HAPLN4: variants seen among roughly 807,000 people sequenced by gnomAD.
HAPLN4 encodes brain link protein 2.
In HAPLN4, 19 loss-of-function variants were observed where a neutral mutation model predicts 28.0. That is an observed-to-expected ratio of 0.68 (90% CI 0.47 to 1.00). The LOEUF is 1.00. HAPLN4 is among the 50% of genes least tolerant of loss of function. HAPLN4 has a pLI of 0.00. For missense variants in HAPLN4, 587 were observed against 602.6 expected (o/e 0.97, Z 0.27); for synonymous variants, 274 against 273.0 (o/e 1.00, Z -0.03).
chr19:19,258,101 C>T lies in HAPLN4; in HGVS notation c.925G>A (p.Ala309Thr), dbSNP rs1226341911. Residue 309 changes from alanine to threonine, a missense_variant, in exon 5 of 5, where the codon GCG (alanine) becomes ACG (threonine). Transcript: ENST00000291481. The surrounding 1 kb of genome is among the most constrained non-coding windows in gnomAD (Gnocchi z 6.2). The stretch of plus-strand genomic sequence containing the variant: ...CGGTCTAGCAGCTGCAGCTTCCACG[C>T]GGCGAACAGCTGCCCCACCTTGGCC... ...AVAKVGQLFA[A>T]WKLQLLDRCT... 6 of 1,551,536 alleles carry T rather than the reference C, an allele frequency of 3.9e-6. No homozygotes were observed. Among genetic ancestry groups the T allele is most frequent in the Non-Finnish European group, 1.7e-6 (2 of 1,155,574 alleles).
In HAPLN4 at chr19:19,258,550, C is replaced by T; in HGVS notation, c.790G>A (p.Ala264Thr). ...YRHNAEERYD[A>T]FCFTSNLPGR... is the part of the protein sequence containing the mutation. The stretch of plus-strand genomic sequence containing the variant: ...GGCAGGTTGGACGTGAAGCAGAAGG[C>T]GTCGTAGCGTTCCTCGGCGTTATGG... Residue 264 changes from alanine to threonine, a missense_variant, in exon 4 of 5, where the codon GCC (alanine) becomes ACC (threonine). Physicochemically the swap from Ala to Thr is moderately conservative, Grantham distance 58. Transcript: ENST00000291481. This position sits in a 1 kb window ranked among gnomAD's most constrained non-coding sequence, Gnocchi z 6.2. 2 of 1,613,596 alleles carry T rather than the reference C, an allele frequency of 1.2e-6. No homozygotes were observed. The highest frequency in any genetic ancestry group is 1.3e-5 in the African/African-American group (1 of 75,006).
chr19:19,262,678 C>A, intron 1 of HAPLN4, 52 bp downstream of exon 1: 1 of 1,601,858 alleles, frequency 6.2e-7, no homozygotes, highest in Non-Finnish European at 8.5e-7. Context: ...GATATAGAAT[C>A]CAAGATTGGG....
chr19:19,260,981 G>T lies in HAPLN4; in HGVS notation c.316C>A (p.His106Asn). Reference sequence around the variant, plus strand: ...CCACGGTAGCTGCCGAATGCCCGGTGCTGGGGGCCTAGTGCCACGAAGACG... The same window carrying T: ...CCACGGTAGCTGCCGAATGCCCGGTTCTGGGGGCCTAGTGCCACGAAGACG... The part of the protein sequence containing the change: ...TDVFVALGPQ[H>N]RAFGSYRGRA... Residue 106 changes from histidine (H) to asparagine (N), a missense_variant, in exon 3 of 5, where the codon CAC becomes AAC. Physicochemically the swap from His to Asn is moderately conservative, Grantham distance 68. Transcript: ENST00000291481. 1 of 1,613,784 alleles carries T rather than the reference G, an allele frequency of 6.2e-7. No homozygotes were observed. The highest frequency in any genetic ancestry group is 8.5e-7 in the Non-Finnish European group (1 of 1,179,986).
chr19:19,260,768 C>T (rs752418807), intron 3 of HAPLN4, 45 bp downstream of exon 3: 2 of 1,579,608 alleles, frequency 1.3e-6, no homozygotes, highest in South Asian at 1.1e-5. Flanking sequence ...CCCCGCCCCC[C>T]TCCTTCCTCA....
At chr19:19,262,019 A>G (rs1375151609) in intron 1 of HAPLN4, among the ~76,000 whole-genome samples, 1 of 151,760 alleles carries the variant, frequency 6.6e-6, no homozygotes, top group African/African-American at 2.4e-5. Flanking sequence ...GACAGAGAGA[A>G]AGGCAGGGAG....
chr19:19,257,666 G>C lies in HAPLN4; in HGVS notation c.*151C>G. On this transcript the variant is annotated 3_prime_UTR_variant, in exon 5 of 5. Coordinates refer to ENST00000291481, the MANE Select transcript of HAPLN4 (RefSeq NM_023002.3). Reference sequence around the variant, plus strand: ...AGTACTGTTCTGCCAGGACTAGCCAGTCTTCAGGGACCCCAGGGGCACAGT... The same window carrying C: ...AGTACTGTTCTGCCAGGACTAGCCACTCTTCAGGGACCCCAGGGGCACAGT... 1.1e-6 allele frequency: 1 copy of C among 934,776 alleles called. No homozygotes were observed. The highest frequency in any genetic ancestry group is 3.6e-5 in the South Asian group (1 of 27,864). The allele number at this position is 934,776 out of a possible 1,614,324, so 57.9% of individuals were successfully genotyped here.
rs149372573 is a variant in HAPLN4 at position 19,258,782 on chromosome 19, G to A, written c.558C>T (p.Ala186=). Residue 186 remains alanine (A), a synonymous_variant, in exon 4 of 5, where the codon GCC becomes GCT. Transcript: ENST00000291481. This position sits in a 1 kb window ranked among gnomAD's most constrained non-coding sequence, Gnocchi z 6.2. ...LTFAEAQRAC[A]EQDGILASAE... The stretch of plus-strand genomic sequence containing the variant: ...CAGATGCCAGGATGCCGTCCTGCTC[G>A]GCGCACGCGCGCTGCGCCTCCGCGA... 6.2e-7 allele frequency: 1 copy of A among 1,601,898 alleles called. No homozygotes were observed. Among genetic ancestry groups the A allele is most frequent in the Non-Finnish European group, 8.5e-7 (1 of 1,175,550 alleles).
Position 19,258,611 on chromosome 19 carries a change from A to G in HAPLN4, c.729T>C (p.Gly243=), listed in dbSNP as rs1207673979. The change falls in exon 4 of 5, where the codon GGT becomes GGC. Residue 243 remains glycine (G), a synonymous_variant. Coordinates refer to ENST00000291481, the MANE Select transcript of HAPLN4 (RefSeq NM_023002.3). This position sits in a 1 kb window ranked among gnomAD's most constrained non-coding sequence, Gnocchi z 6.2. The part of the protein sequence containing the change: ...LGGTGSAGGG[G]DANGGLRNYG... The stretch of plus-strand genomic sequence containing the variant: ...AGTTGCGCAGGCCCCCGTTGGCATC[A>G]CCGCCGCCCCCTGCACTCCCGGTCC... 2 of 1,613,180 alleles carry G rather than the reference A, an allele frequency of 1.2e-6. No homozygotes were observed. Among genetic ancestry groups the G allele is most frequent in the East Asian group, 4.5e-5 (2 of 44,844 alleles).
Position 19,256,998 on chromosome 19 carries a change from A to T in HAPLN4, c.*819T>A, listed in dbSNP as rs1415750321. 6.6e-6 allele frequency: 1 copy of T among 152,510 alleles called. No homozygotes were observed. The highest frequency in any genetic ancestry group is 1.5e-5 in the Non-Finnish European group (1 of 68,060). 9.4% of individuals were successfully genotyped at this position (152,510 alleles called of 1,614,324 possible). On this transcript the variant is annotated 3_prime_UTR_variant, in exon 5 of 5. Transcript: ENST00000291481. ...CTTACCGGTCCCCAGGCCTGGGAAG[A>T]TGGTCTGTTTGGTGACAGTTGGGAA...
In HAPLN4 at chr19:19,258,466, C is replaced by T; in HGVS notation, c.817+57G>A. The T allele has an allele frequency of 1.3e-6, 2 of 1,540,088 alleles. No individual in the cohort carries two copies. The highest frequency in any genetic ancestry group is 1.8e-6 in the Non-Finnish European group (2 of 1,123,814). ...GCTAAGAGCTGGGTGGGGAAGAAGG[C>T]CCCGGGGTTGGGGTAGTGTTGCAGC... is the stretch of plus-strand genomic sequence containing the variant. On this transcript the variant is annotated intron_variant, in intron 4 of 4. Coordinates refer to ENST00000291481, the MANE Select transcript of HAPLN4 (RefSeq NM_023002.3). The surrounding 1 kb of genome is among the most constrained non-coding windows in gnomAD (Gnocchi z 6.2).
chr19:19,262,787 G>C lies in HAPLN4; in HGVS notation c.-55C>G. The C allele has an allele frequency of 6.3e-7, 1 of 1,591,550 alleles. No homozygotes were observed. Among genetic ancestry groups the C allele is most frequent in the Admixed American group, 1.8e-5 (1 of 57,128 alleles). ...CCTACGCACCCGGACTGCGCTCCCC[G>C]CACACCCGGTTAAGACTGGGCAGGT... is the stretch of plus-strand genomic sequence containing the variant. On this transcript the variant is annotated 5_prime_UTR_variant, in exon 1 of 5. Transcript: ENST00000291481.
chr19:19,257,864 C>T lies in HAPLN4; in HGVS notation c.1162G>A (p.Ala388Thr). The change falls in exon 5 of 5, where the codon GCA (alanine) becomes ACA (threonine). Residue 388 changes from alanine to threonine, a missense_variant. Physicochemically the swap from Ala to Thr is moderately conservative, Grantham distance 58 (BLOSUM62 0). Transcript: ENST00000291481. ...GWGWAGGGGW[A>T]GGARDPAAWT... is the part of the protein sequence containing the mutation. Reference sequence around the variant, plus strand: ...GCAGCAGGATCGCGCGCGCCCCCTGCCCAGCCGCCGCCGCCCGCCCAGCCC... The same window carrying T: ...GCAGCAGGATCGCGCGCGCCCCCTGTCCAGCCGCCGCCGCCCGCCCAGCCC... The T allele has an allele frequency of 7.0e-7, 1 of 1,435,160 alleles. No homozygotes were observed. Among genetic ancestry groups the T allele is most frequent in the African/African-American group, 1.5e-5 (1 of 67,210 alleles). The allele number at this position is 1,435,160 out of a possible 1,614,324, so 88.9% of individuals were successfully genotyped here.
At position 19,260,933 on chromosome 19, in the gene HAPLN4, C is replaced by G. The variant is rs2060980706; in HGVS notation, c.364G>C (p.Gly122Arg). The change falls in exon 3 of 5, where the codon GGG becomes CGG. Residue 122 changes from glycine (G) to arginine (R), a missense_variant. Transcript: ENST00000291481. ...YRGRAELQGD[G>R]PGDASLVLRN... ...AGGACCAGGGAGGCATCCCCAGGCC[C>G]GTCGCCCTGCAGCTCAGCCCGCCCA... 6.2e-7 allele frequency: 1 copy of G among 1,613,962 alleles called. No homozygotes were observed. The highest frequency in any genetic ancestry group is 8.5e-7 in the Non-Finnish European group (1 of 1,180,016).
In HAPLN4 at chr19:19,261,145, G is replaced by A; in HGVS notation, c.152C>T (p.Thr51Ile). 6.2e-7 allele frequency: 1 copy of A among 1,606,664 alleles called. No homozygotes were observed. Among genetic ancestry groups the A allele is most frequent in the South Asian group, 1.1e-5 (1 of 90,744 alleles). Residue 51 changes from threonine to isoleucine, a missense_variant, in exon 3 of 5, where the codon ACA becomes ATA. Physicochemically the swap from Thr to Ile is moderately conservative, Grantham distance 89. Coordinates refer to ENST00000291481, the MANE Select transcript of HAPLN4 (RefSeq NM_023002.3). ...GTGGCTTACCACCTGCCCAGGCGCT[G>A]TCTGTACCACTACCGAGCCCGACTC... ...EGESGSVVVQ[T>I]APGQVVSHRG...
At position 19,260,924 on chromosome 19, in the gene HAPLN4, C is replaced by A; in HGVS notation, c.373G>T (p.Asp125Tyr). 2 of 1,614,020 alleles carry A rather than the reference C, an allele frequency of 1.2e-6. No individual in the cohort carries two copies. The highest frequency in any genetic ancestry group is 8.5e-7 in the Non-Finnish European group (1 of 1,180,030). Residue 125 changes from aspartate (D) to tyrosine (Y), a missense_variant, in exon 3 of 5, where the codon GAT (aspartate) becomes TAT (tyrosine). Asp to Tyr is a radical substitution (Grantham distance 160, BLOSUM62 -3). Transcript: ENST00000291481. ...ACGTTGCGGAGGACCAGGGAGGCAT[C>A]CCCAGGCCCGTCGCCCTGCAGCTCA... Reference protein sequence around the residue: ...RAELQGDGPGDASLVLRNVTL... With the variant: ...RAELQGDGPGYASLVLRNVTL...
At chr19:19,260,404 A>T (rs539362757) in intron 3 of HAPLN4, among the ~76,000 whole-genome samples, 2 of 151,994 alleles carry the variant, frequency 1.3e-5, no homozygotes, top group African/African-American at 2.4e-5. Flanking sequence ...TTTACTAGAG[A>T]TGGGGTTTTG....
In HAPLN4 at chr19:19,255,182, G is replaced by A. The variant is rs2060961858; in HGVS notation, c.*2635C>T. On this transcript the variant is annotated 3_prime_UTR_variant, in exon 5 of 5. Transcript: ENST00000291481. ...AAGGGAGACAGTGGGCACAGGATGG[G>A]GGAAGAAAGAGGAGCAAGAGATTGG... is the stretch of plus-strand genomic sequence containing the variant. 6.6e-6 allele frequency: 1 copy of A among 152,210 alleles called. No individual in the cohort carries two copies. Among genetic ancestry groups the A allele is most frequent in the Admixed American group, 6.5e-5 (1 of 15,270 alleles). 9.4% of individuals were successfully genotyped at this position (152,210 alleles called of 1,614,324 possible).
rs2060983063 is a variant in HAPLN4 at position 19,261,432 on chromosome 19, C to A, written c.121+14G>T. The A allele has an allele frequency of 6.3e-7, 1 of 1,599,642 alleles. No homozygotes were observed. Among genetic ancestry groups the A allele is most frequent in the African/African-American group, 1.3e-5 (1 of 74,678 alleles). On this transcript the variant is annotated intron_variant, in intron 2 of 4. Coordinates refer to ENST00000291481, the MANE Select transcript of HAPLN4 (RefSeq NM_023002.3). Reference sequence around the variant, plus strand: ...TTTTCGCGGAGAAGACCACTTTTAGCGGCCCTGACTCACCCAGCACGTGCA... The same window carrying A: ...TTTTCGCGGAGAAGACCACTTTTAGAGGCCCTGACTCACCCAGCACGTGCA...
At chr19:19,261,756 C>G in intron 1 of HAPLN4, 193 bp from the exon 2 acceptor site, 1 of 518,856 alleles carries the variant, frequency 1.9e-6, no homozygotes, top group Non-Finnish European at 3.4e-6. Flanking sequence ...AGAACCCACG[C>G]CCCTAGACTC....
Sources: allele counts gnomAD v4.1 joint callset (sites outside exome capture counted in the v4.1 genomes callset), GRCh38; gene constraint gnomAD v4.1.1; non-coding constraint Gnocchi (gnomAD v3.1); transcripts MANE v1.5; gene names NCBI Gene and HGNC (gene_info 2026-07-23, HGNC 2026-07-21).